EBF1: variants seen among roughly 807,000 people sequenced by gnomAD.
EBF1 encodes EBF transcription factor 1.
EBF1 carries 10 observed loss-of-function variants against 68.4 expected under a neutral mutation model. The observed-to-expected ratio is 0.15, with a 90% CI of 0.09 to 0.25. The LOEUF is 0.25. Ranked by LOEUF, EBF1 falls within the 10% of genes least tolerant of loss-of-function variation. The pLI is 1.00. For missense variants in EBF1, 509 were observed against 794.4 expected (o/e 0.64, Z 4.32); for synonymous variants, 298 against 299.8 (o/e 0.99, Z 0.06).
At chr5:158,796,590 G>A in intron 8 of EBF1, 115 bp from the exon 9 acceptor site, 3 of 1,293,160 alleles carry the variant, frequency 2.3e-6, no homozygotes, top group South Asian at 3.9e-5. Context: ...CTAACAGAAA[G>A]TCCCTCAAGA....
chr5:158,985,247 G>T (rs751958940), intron 6 of EBF1, among the ~76,000 whole-genome samples: 24 of 152,168 alleles, frequency 1.6e-4, no homozygotes, highest in Admixed American at 7.9e-4. Flanking sequence ...TGGCAACCTG[G>T]ATTTCCAGTG....
At chr5:158,961,750 A>G (rs1818221877) in intron 6 of EBF1, among the ~76,000 whole-genome samples, 1 of 152,216 alleles carries the variant, frequency 6.6e-6, no homozygotes, top group South Asian at 2.1e-4. Flanking sequence ...AACAAGAGAT[A>G]AATTATGTGC....
At chr5:158,701,562 C>T (rs1000011895) in intron 15 of EBF1, among the ~76,000 whole-genome samples, 4 of 152,186 alleles carry the variant, frequency 2.6e-5, no homozygotes, top group African/African-American at 9.7e-5. Context: ...CTGCGAACAG[C>T]AGTGAGTGAA....
chr5:159,018,498 T>G (rs757713638), intron 6 of EBF1, among the ~76,000 whole-genome samples: 5 of 152,236 alleles, frequency 3.3e-5, no homozygotes, highest in Non-Finnish European at 7.3e-5. Flanking sequence ...AGTGAGTGTA[T>G]GAAGAACATT....
chr5:158,950,700 G>A (rs1815770491), intron 6 of EBF1, among the ~76,000 whole-genome samples: 1 of 152,164 alleles, frequency 6.6e-6, no homozygotes, highest in South Asian at 2.1e-4. Flanking sequence ...ATAAATGAGT[G>A]GCGGGAACCA....
chr5:159,050,742 C>T (rs905819371), intron 6 of EBF1, among the ~76,000 whole-genome samples: 2 of 152,240 alleles, frequency 1.3e-5, no homozygotes, highest in Non-Finnish European at 2.9e-5. Flanking sequence ...GCCAGGAGCC[C>T]TCCTTCCCCG....
At chr5:158,890,126 T>C (rs912920879) in intron 6 of EBF1, among the ~76,000 whole-genome samples, 5 of 152,198 alleles carry the variant, frequency 3.3e-5, no homozygotes, top group African/African-American at 1.2e-4. Flanking sequence ...CCCTAGGTTG[T>C]TGTGAGAATG....
intron 6 of EBF1, among the ~76,000 whole-genome samples, chr5:159,064,399 G>A (rs1193200900): frequency 6.6e-6 from 1 of 152,140 alleles, no homozygotes; most frequent in Non-Finnish European, 1.5e-5. Context: ...TAGGAGATGT[G>A]GAGTTTCTAA....
At chr5:158,807,437 G>A (rs1031439582) in intron 8 of EBF1, among the ~76,000 whole-genome samples, 14 of 152,092 alleles carry the variant, frequency 9.2e-5, no homozygotes, top group African/African-American at 3.4e-4. Context: ...CAGCTCTTCT[G>A]ATTATAAAAG....
intron 10 of EBF1, among the ~76,000 whole-genome samples, chr5:158,739,396 A>T (rs905121415): frequency 3.9e-5 from 6 of 152,264 alleles, no homozygotes; most frequent in Non-Finnish European, 8.8e-5. Context: ...TGCTCTGAAC[A>T]GCATGGCCGT....
At chr5:158,995,239 C>T (rs1172840516) in intron 6 of EBF1, among the ~76,000 whole-genome samples, 2 of 152,134 alleles carry the variant, frequency 1.3e-5, no homozygotes, top group Non-Finnish European at 2.9e-5. Flanking sequence ...AACACATTGT[C>T]CTTGGATTCT....
intron 11 of EBF1, among the ~76,000 whole-genome samples, chr5:158,720,672 A>T (rs533047374): frequency 1.3e-5 from 2 of 152,318 alleles, no homozygotes; most frequent in South Asian, 4.1e-4. Context: ...CTCTTTCCTT[A>T]GAAGCCCTAT....
At chr5:158,920,374 A>G (rs1196100507) in intron 6 of EBF1, among the ~76,000 whole-genome samples, 1 of 152,116 alleles carries the variant, frequency 6.6e-6, no homozygotes, top group Non-Finnish European at 1.5e-5. Context: ...TACCTTTTCC[A>G]TCCCTTTCAA....
intron 15 of EBF1, 82 bp from the exon 16 acceptor site, chr5:158,699,224 A>C (rs902621806): frequency 5.6e-6 from 8 of 1,437,200 alleles, no homozygotes; most frequent in African/African-American, 1.5e-5. Flanking sequence ...TAAAAAAAAA[A>C]AAACACCCAC....
At chr5:159,059,263 A>G (rs1042889702) in intron 6 of EBF1, among the ~76,000 whole-genome samples, 32 of 152,340 alleles carry the variant, frequency 2.1e-4, no homozygotes, top group African/African-American at 7.5e-4. Context: ...CTTCCAGGAT[A>G]GATCAAGGAA....
chr5:158,893,869 C>G (rs1422798), intron 6 of EBF1, among the ~76,000 whole-genome samples: 49,543 of 151,712 alleles, frequency 0.33, 8,662 homozygotes, highest in South Asian at 0.57. Context: ...CTGAAGGGCT[C>G]TTCGGGGACC....
At chr5:158,729,847 C>T (rs1763719873) in intron 11 of EBF1, among the ~76,000 whole-genome samples, 1 of 152,202 alleles carries the variant, frequency 6.6e-6, no homozygotes. Context: ...CACAGTCCTT[C>T]CTCTCCGGAG....
At chr5:158,796,870 T>C (rs191992555) in intron 8 of EBF1, among the ~76,000 whole-genome samples, 1 of 152,278 alleles carries the variant, frequency 6.6e-6, no homozygotes, top group African/African-American at 2.4e-5. Flanking sequence ...AAAAGAAAAC[T>C]TACGTTTTTT....
intron 5 of EBF1, among the ~76,000 whole-genome samples, chr5:159,075,598 C>A (rs2127952367): frequency 6.6e-6 from 1 of 152,274 alleles, no homozygotes; most frequent in South Asian, 2.1e-4. Flanking sequence ...ACACCATCTC[C>A]ATCCAAGTCC....
Sources: allele counts gnomAD v4.1 joint callset (sites outside exome capture counted in the v4.1 genomes callset), GRCh38; gene constraint gnomAD v4.1.1; transcripts MANE v1.5; gene names NCBI Gene and HGNC (gene_info 2026-07-23, HGNC 2026-07-21).